Variants in MELTF observed in about 807,000 individuals in gnomAD.
MELTF encodes antigen p97 (melanoma associated) identified by monoclonal antibodies 133.2 and 96.5.
Under a neutral mutation model 83.7 loss-of-function variants are expected in MELTF, and 67 were observed. The ratio of observed to expected loss-of-function variants is 0.80; its 90% confidence interval spans 0.66 to 0.98. The LOEUF (loss-of-function observed/expected upper bound fraction) is 0.98. MELTF is among the 50% of genes least tolerant of loss of function. MELTF has a pLI of 0.00. For missense variants in MELTF, 1,002 were observed against 1,035.6 expected (o/e 0.97, Z 0.44); for synonymous variants, 462 against 447.6 (o/e 1.03, Z -0.41).
At chr3:197,010,656 C>T in intron 10 of MELTF, 42 bp downstream of exon 10, 1 of 1,525,698 alleles carries the variant, frequency 6.6e-7, no homozygotes, top group Non-Finnish European at 9.0e-7. Context: ...TAAAAATATC[C>T]CCACCTCCCG....
At chr3:197,026,523 G>A in intron 3 of MELTF, 137 bp downstream of exon 3, 1 of 712,670 alleles carries the variant, frequency 1.4e-6, no homozygotes. Flanking sequence ...GAGCCTTAGG[G>A]CGTTCTTCTG....
intron 9 of MELTF, among the ~76,000 whole-genome samples, chr3:197,012,243 C>T (rs1014441882): frequency 2.6e-5 from 4 of 152,150 alleles, no homozygotes; most frequent in South Asian, 2.1e-4. Flanking sequence ...TCAGGCAACG[C>T]GGTGTGGGGA....
rs535272029 is a variant in MELTF at position 197,024,698 on chromosome 3, C to T, written c.305-213G>A. Among the ~76,000 whole-genome samples, 17 of 152,310 alleles carry T rather than the reference C, an allele frequency of 1.1e-4. No homozygotes were observed. Among genetic ancestry groups the T allele is most frequent in the South Asian group, 1.0e-3 (5 of 4,828 alleles). ...GCCCTCTAGCCTCTTGAGGTAGAGA[C>T]GATCCTGAGATATTGATGTATTCAT... On this transcript the variant is annotated intron_variant, in intron 3 of 15. Transcript: ENST00000296350. The surrounding 1 kb of genome is among the most constrained non-coding windows in gnomAD (Gnocchi z 5.3).
In MELTF at chr3:197,029,706, G is replaced by A. The variant is rs1720013815; in HGVS notation, c.-4C>T. Reference sequence around the variant, plus strand: ...GAGCCCCGCTCGGACCCCGCATGGCGCCGTCGGGGCTGGCTGGGGCCGGGC... The same window carrying A: ...GAGCCCCGCTCGGACCCCGCATGGCACCGTCGGGGCTGGCTGGGGCCGGGC... On this transcript the variant is annotated 5_prime_UTR_variant, in exon 1 of 16. Transcript: ENST00000296350. The surrounding 1 kb of genome is among the most constrained non-coding windows in gnomAD (Gnocchi z 6.5). 3 of 1,238,730 alleles carry A rather than the reference G, an allele frequency of 2.4e-6. No homozygotes were observed. The highest frequency in any genetic ancestry group is 4.1e-5 in the Admixed American group (1 of 24,236). The allele number at this position is 1,238,730 out of a possible 1,614,324, so 76.7% of individuals were successfully genotyped here.
At chr3:197,017,639 A>G (rs976403036) in intron 6 of MELTF, among the ~76,000 whole-genome samples, 6 of 152,214 alleles carry the variant, frequency 3.9e-5, no homozygotes, top group Admixed American at 6.5e-5. Context: ...GCACTTTGGG[A>G]GGCCGAGGTG....
intron 6 of MELTF, chr3:197,018,945 A>G (rs1441404091): frequency 1.0e-6 from 1 of 985,242 alleles, no homozygotes; most frequent in African/African-American, 1.7e-5. Flanking sequence ...TAATTAAACC[A>G]CAGATGGTCC....
rs1286150005 is a variant in MELTF, at chr3:197,007,139, C to T, written c.1751-403G>A. Among the ~76,000 whole-genome samples the T allele has an allele frequency of 6.6e-6, 1 of 152,028 alleles. No individual in the cohort carries two copies. Among genetic ancestry groups the T allele is most frequent in the Non-Finnish European group, 1.5e-5 (1 of 67,994 alleles). On this transcript the variant is annotated intron_variant, in intron 13 of 15. Coordinates refer to ENST00000296350, the MANE Select transcript of MELTF (RefSeq NM_005929.6). This position sits in a 1 kb window ranked among gnomAD's most constrained non-coding sequence, Gnocchi z 4.3. The stretch of plus-strand genomic sequence containing the variant: ...CCTCAAGCCTGAGTGTGGGGTGGCT[C>T]CCTGAAGGTGGTGGGTGATTGTCCC...
At chr3:197,027,969 T>C (rs1291026688) in intron 1 of MELTF, 59 bp from the exon 2 acceptor site, 4 of 1,491,646 alleles carry the variant, frequency 2.7e-6, no homozygotes, top group Non-Finnish European at 3.6e-6. Context: ...CGGCCCACCA[T>C]GGAGGGTGGC....
At chr3:197,016,996 A>G in intron 7 of MELTF, 107 bp downstream of exon 7, 1 of 1,263,114 alleles carries the variant, frequency 7.9e-7, no homozygotes, top group Non-Finnish European at 1.1e-6. Context: ...GTCCGTCCCA[A>G]GGACAGTCTC....
At chr3:197,027,209 G>T (rs375548560) in intron 2 of MELTF, 2 of 197,624 alleles carry the variant, frequency 1.0e-5, no homozygotes, top group East Asian at 2.4e-4. Flanking sequence ...GATTGGATTA[G>T]GTCTTGGGGG....
chr3:197,017,658 A>G (rs1490651146), intron 6 of MELTF, among the ~76,000 whole-genome samples: 3 of 152,224 alleles, frequency 2.0e-5, no homozygotes, highest in Admixed American at 6.5e-5. Context: ...TGGGCGGATC[A>G]CGAGGTCAGG....
In MELTF at chr3:197,019,727, G is replaced by A. The variant is rs756325952; in HGVS notation, c.712+1677C>T. On this transcript the variant is annotated intron_variant, in intron 6 of 15. Transcript: ENST00000296350. ...CCAGCACTAGAGCGCATCGTCCTACGTGCTTCCTCGTGTGCAGGGCACTCG... is the reference window on the plus strand; with the variant it reads ...CCAGCACTAGAGCGCATCGTCCTACATGCTTCCTCGTGTGCAGGGCACTCG... The A allele has an allele frequency of 3.2e-5, 51 of 1,612,394 alleles. No individual in the cohort carries two copies. The Middle Eastern group carries it at 5.0e-4, about 16-fold the overall frequency.
rs1408719832 is a variant in MELTF at position 197,002,350 on chromosome 3, A to G, written c.*1022T>C. ...TTTTTTAAGGGCTGCCAGTTCTGGA[A>G]ACTTTTTCTGGCTTCTCAGACAACT... On this transcript the variant is annotated 3_prime_UTR_variant, in exon 16 of 16. Transcript: ENST00000296350. The G allele has an allele frequency of 1.3e-5, 2 of 152,274 alleles. No individual in the cohort carries two copies. Among genetic ancestry groups the G allele is most frequent in the Non-Finnish European group, 2.9e-5 (2 of 68,086 alleles). 9.4% of individuals were successfully genotyped at this position (152,274 alleles called of 1,614,324 possible).
intron 6 of MELTF, 41 bp from the exon 7 acceptor site, chr3:197,017,331 G>A (rs1361068839): frequency 6.8e-7 from 1 of 1,468,998 alleles, no homozygotes; most frequent in Admixed American, 2.5e-5. Flanking sequence ...CTCCGAAAGG[G>A]GTTGGGGCGG....
rs761850068 is a variant in MELTF, at chr3:197,003,928, T to G, written c.2110A>C (p.Met704Leu). 7.2e-5 allele frequency: 116 copies of G among 1,613,740 alleles called. No individual in the cohort carries two copies. The highest frequency in any genetic ancestry group is 8.8e-5 in the Non-Finnish European group (104 of 1,179,978). ...GCGCCCGAGCACTGCTGAGACGACA[T>G]CCCTTCCAGCGCCGCCACGTAGTCC... ...GLDYVAALEG[M>L]SSQQCSGAAA... Residue 704 changes from methionine to leucine, a missense_variant, in exon 15 of 16, where the codon ATG (methionine) becomes CTG (leucine). By Grantham distance (15) the Met-to-Leu change is conservative (BLOSUM62 2). Coordinates refer to ENST00000296350, the MANE Select transcript of MELTF (RefSeq NM_005929.6). This position sits in a 1 kb window ranked among gnomAD's most constrained non-coding sequence, Gnocchi z 6.2.
At chr3:197,028,220 G>A (rs551586164) in intron 1 of MELTF, 6 of 333,710 alleles carry the variant, frequency 1.8e-5, no homozygotes, top group South Asian at 1.4e-4. Flanking sequence ...GGGAGCACTG[G>A]CTAGGGAGTC....
rs1204999448 is a variant in MELTF, at chr3:197,003,663, C to T, written c.2138-212G>A. The T allele has an allele frequency of 4.5e-6, 3 of 664,544 alleles. No individual in the cohort carries two copies. Among genetic ancestry groups the T allele is most frequent in the Non-Finnish European group, 7.5e-6 (3 of 400,836 alleles). The allele number at this position is 664,544 out of a possible 1,614,324, so 41.2% of individuals were successfully genotyped here. A position where few individuals can be genotyped will look rare whatever the true frequency, so the allele number is the denominator to read the frequency against. Reference sequence around the variant, plus strand: ...CTGCCGTGGCCCCAGATCCTCCCCGCGCCGCCGTTTTGAGCGTTCACACTC... The same window carrying T: ...CTGCCGTGGCCCCAGATCCTCCCCGTGCCGCCGTTTTGAGCGTTCACACTC... On this transcript the variant is annotated intron_variant, in intron 15 of 15. Transcript: ENST00000296350. This position sits in a 1 kb window ranked among gnomAD's most constrained non-coding sequence, Gnocchi z 6.2.
At chr3:197,019,671 C>T in intron 6 of MELTF, 1 of 1,613,900 alleles carries the variant, frequency 6.2e-7, no homozygotes, top group Non-Finnish European at 8.5e-7. Context: ...CGTCCTGGGG[C>T]CTGTGAACGG....
Position 197,024,959 on chromosome 3 carries a change from C to T in MELTF, c.305-474G>A, listed in dbSNP as rs961277981. ...AGGGGCTTCCCCAGATGAGGAGCGG[C>T]GATTTCCTGGTGCTGAGGGGGTTGA... On this transcript the variant is annotated intron_variant, in intron 3 of 15. Coordinates refer to ENST00000296350, the MANE Select transcript of MELTF (RefSeq NM_005929.6). This position sits in a 1 kb window ranked among gnomAD's most constrained non-coding sequence, Gnocchi z 5.3. Among the ~76,000 whole-genome samples, 16 of 152,268 alleles carry T rather than the reference C, an allele frequency of 1.1e-4. No individual in the cohort carries two copies. The highest frequency in any genetic ancestry group is 2.9e-4 in the African/African-American group (12 of 41,544).
Sources: gnomAD v4.1 joint callset for allele counts (sites outside exome capture counted in the v4.1 genomes callset) on GRCh38, gnomAD v4.1.1 for gene constraint, Gnocchi (gnomAD v3.1) non-coding constraint, MANE v1.5 for transcripts, NCBI Gene and HGNC (gene_info 2026-07-23, HGNC 2026-07-21) for gene names.